Variants in TMPRSS7 observed in about 807,000 individuals in gnomAD.
The protein encoded by TMPRSS7 is transmembrane serine protease 7.
In TMPRSS7, 81 loss-of-function variants were observed where a neutral mutation model predicts 95.6. The ratio of observed to expected loss-of-function variants is 0.85; its 90% confidence interval spans 0.71 to 1.02. TMPRSS7 has a LOEUF of 1.02. Ranked by LOEUF, TMPRSS7 falls within the 50% of genes least tolerant of loss-of-function variation. TMPRSS7 has a pLI of 0.00. For synonymous variants in TMPRSS7, 364 were observed against 337.8 expected (o/e 1.08, Z -0.85); for missense variants, 945 against 955.2 (o/e 0.99, Z 0.14).
intron 9 of TMPRSS7, among the ~76,000 whole-genome samples, chr3:112,052,361 CA>C (rs767867764): frequency 2.0e-5 from 3 of 151,796 alleles, no homozygotes; most frequent in Non-Finnish European, 4.4e-5. Flanking sequence ...GTGCTTGATG[CA>C]TATTTTTTTT....
intron 5 of TMPRSS7, 26 bp downstream of exon 5, chr3:112,045,969 G>A (rs1342028795): frequency 6.5e-7 from 1 of 1,532,390 alleles, no homozygotes; most frequent in African/African-American, 1.4e-5. Context: ...TTTTCCTTTA[G>A]CATTCCTTCC....
intron 10 of TMPRSS7, among the ~76,000 whole-genome samples, chr3:112,060,101 A>G (rs999948373): frequency 2.0e-5 from 3 of 152,246 alleles, no homozygotes; most frequent in African/African-American, 4.8e-5. Flanking sequence ...CACAAGCCGC[A>G]AAAGCAGCAA....
intron 5 of TMPRSS7, 157 bp from the exon 6 acceptor site, chr3:112,046,817 T>TG: frequency 1.6e-6 from 1 of 612,518 alleles, no homozygotes; most frequent in South Asian, 2.0e-5. Context: ...TCTAAATACC[T>TG]GAACAACTAC....
intron 13 of TMPRSS7, among the ~76,000 whole-genome samples, chr3:112,072,010 T>C (rs1326697531): frequency 6.6e-6 from 1 of 152,200 alleles, no homozygotes; most frequent in African/African-American, 2.4e-5. Flanking sequence ...CTGCATTCCT[T>C]TGAAGGAGAA....
At chr3:112,080,389 A>T (rs1442110078) in intron 17 of TMPRSS7, among the ~76,000 whole-genome samples, 1 of 152,152 alleles carries the variant, frequency 6.6e-6, no homozygotes, top group Non-Finnish European at 1.5e-5. Flanking sequence ...TGGGGCTATG[A>T]GCTAACCACT....
intron 2 of TMPRSS7, among the ~76,000 whole-genome samples, chr3:112,039,183 T>C (rs1302477826): frequency 2.0e-5 from 3 of 152,244 alleles, no homozygotes; most frequent in Admixed American, 1.3e-4. Flanking sequence ...ACTGCAAGTA[T>C]AGCCTTTGTT....
exon 12 of TMPRSS7, chr3:112,063,619 T>A: frequency 6.2e-7 from 1 of 1,613,994 alleles, no homozygotes; most frequent in Non-Finnish European, 8.5e-7. Flanking sequence ...ATGAAAGTGA[T>A]GAACTGTTTT....
exon 13 of TMPRSS7, chr3:112,066,463 G>A (rs2073577270): frequency 6.2e-7 from 1 of 1,613,870 alleles, no homozygotes; most frequent in African/African-American, 1.3e-5. Context: ...TGGCTTCAGG[G>A]ACTGTGAGAA....
chr3:112,072,540 C>T (rs1251322020), intron 13 of TMPRSS7, among the ~76,000 whole-genome samples: 4 of 152,244 alleles, frequency 2.6e-5, no homozygotes, highest in South Asian at 2.1e-4. Flanking sequence ...CAGAAGTTGT[C>T]TGCTGCCTTT....
intron 13 of TMPRSS7, among the ~76,000 whole-genome samples, chr3:112,067,658 C>T (rs1026820992): frequency 6.6e-6 from 1 of 152,168 alleles, no homozygotes; most frequent in Non-Finnish European, 1.5e-5. Context: ...ATATCCTTTG[C>T]CCACTTTTTG....
intron 9 of TMPRSS7, among the ~76,000 whole-genome samples, chr3:112,051,657 T>TATC (rs879359128): frequency 0.16 from 17,214 of 108,680 alleles, 1,137 homozygotes; most frequent in Non-Finnish European, 0.18. Flanking sequence ...TCTATCTATC[T>TATC]ATCTATCTAT....
At chr3:112,052,626 T>C (rs574175079) in intron 9 of TMPRSS7, among the ~76,000 whole-genome samples, 19 of 151,838 alleles carry the variant, frequency 1.3e-4, no homozygotes, top group African/African-American at 4.6e-4. Flanking sequence ...AAAGAGGAGA[T>C]GAAAGAAAGG....
chr3:112,049,189 C>T (rs1219681426), intron 7 of TMPRSS7, among the ~76,000 whole-genome samples: 3 of 152,114 alleles, frequency 2.0e-5, no homozygotes, highest in African/African-American at 4.8e-5. Flanking sequence ...AACCCTTCAT[C>T]GAGATAAGGG....
intron 9 of TMPRSS7, among the ~76,000 whole-genome samples, chr3:112,054,221 T>C (rs1332165436): frequency 6.6e-6 from 1 of 152,214 alleles, no homozygotes; most frequent in African/African-American, 2.4e-5. Context: ...TGAAGCCTCC[T>C]GCATCCTATC....
At chr3:112,061,304 C>T (rs56200934) in intron 10 of TMPRSS7, among the ~76,000 whole-genome samples, 6,490 of 152,186 alleles carry the variant, frequency 0.043, 423 homozygotes, top group African/African-American at 0.14. Context: ...GAAATTTTGC[C>T]AAGGACAAGC....
Position 112,063,518 on chromosome 3 carries a change from C to T in TMPRSS7, c.1448-7C>T, listed in dbSNP as rs751109798. The T allele has an allele frequency of 2.5e-6, 4 of 1,611,426 alleles. No homozygotes were observed. Among genetic ancestry groups the T allele is most frequent in the African/African-American group, 2.7e-5 (2 of 74,922 alleles). On this transcript the variant is annotated splice_region_variant and splice_polypyrimidine_tract_variant and intron_variant, in intron 11 of 17. Transcript: ENST00000452346. ...TTTTCTATTTTTTGATTTTTTGTTGCCCATAGCCTGCCCTGTTGGATCTTT... is the reference window on the plus strand; with the variant it reads ...TTTTCTATTTTTTGATTTTTTGTTGTCCATAGCCTGCCCTGTTGGATCTTT...
chr3:112,073,132 C>T (rs1338412319), intron 13 of TMPRSS7, among the ~76,000 whole-genome samples: 2 of 147,942 alleles, frequency 1.4e-5, no homozygotes, highest in Non-Finnish European at 3.0e-5. Context: ...TGCTCTGTTG[C>T]CCAGGCTGGA....
At position 112,050,758 on chromosome 3, in the gene TMPRSS7, A is replaced by C. The variant is rs771388111; in HGVS notation, c.1178A>C (p.Lys393Thr). 2.6e-5 allele frequency: 42 copies of C among 1,598,154 alleles called. No homozygotes were observed. Among genetic ancestry groups the C allele is most frequent in the Non-Finnish European group, 3.1e-5 (36 of 1,173,504 alleles). Residue 393 changes from lysine to threonine, a missense_variant, in exon 9 of 18, where the codon AAA becomes ACA. Coordinates refer to ENST00000452346, the Ensembl canonical transcript of TMPRSS7. ...TATTACCCGAGCTACTATCCTCCAA[A>C]ATGCAAGTGTACCTGGAAATTTCAG...
chr3:112,063,956 A>C (rs549634446), intron 12 of TMPRSS7, among the ~76,000 whole-genome samples: 3 of 152,280 alleles, frequency 2.0e-5, no homozygotes, highest in African/African-American at 7.2e-5. Context: ...TAGTCATGGC[A>C]GTGGCAAAAG....
Sources: allele counts gnomAD v4.1 joint callset (sites outside exome capture counted in the v4.1 genomes callset), GRCh38; gene constraint gnomAD v4.1.1; transcripts MANE v1.5; gene names NCBI Gene and HGNC (gene_info 2026-07-23, HGNC 2026-07-21).